The following TOM1L2 variants were observed in gnomAD, a reference collection of about 807,000 sequenced individuals.
TOM1L2 encodes target of myb1 like 2 membrane trafficking protein, also known as TOM1-like protein 2.
Under a neutral mutation model 67.9 loss-of-function variants are expected in TOM1L2, and 31 were observed. The ratio of observed to expected loss-of-function variants is 0.46; its 90% CI spans 0.34 to 0.62. The LOEUF (loss-of-function observed/expected upper bound fraction) is 0.62. Ranked by LOEUF, TOM1L2 falls within the 20% of genes least tolerant of loss-of-function variation. The pLI is 0.01. For missense variants in TOM1L2, 606 were observed against 663.5 expected (o/e 0.91, Z 0.95); for synonymous variants, 256 against 254.0 (o/e 1.01, Z -0.07).
At chr17:17,926,912 G>T in intron 1 of TOM1L2, among the ~76,000 whole-genome samples, 1 of 152,144 alleles carries the variant, frequency 6.6e-6, no homozygotes, top group East Asian at 1.9e-4. Context: ...TAAATATGAA[G>T]AAGAGCCCCA....
At chr17:17,861,249 C>T (rs1470027851) in intron 12 of TOM1L2, among the ~76,000 whole-genome samples, 1 of 152,260 alleles carries the variant, frequency 6.6e-6, no homozygotes, top group East Asian at 1.9e-4. Context: ...ACTGTTTTCT[C>T]TTGGGTGGAT....
intron 12 of TOM1L2, chr17:17,858,083 C>T (rs2036343129): frequency 2.4e-6 from 1 of 410,822 alleles, no homozygotes; most frequent in Non-Finnish European, 4.4e-6. Flanking sequence ...CAACTACTCC[C>T]GTGCCCTTGG....
chr17:17,905,850 G>T (rs1382546483), intron 2 of TOM1L2, among the ~76,000 whole-genome samples: 7 of 152,076 alleles, frequency 4.6e-5, no homozygotes, highest in Admixed American at 4.6e-4. Flanking sequence ...GAGTTGCTCT[G>T]GTTCTACATG....
At chr17:17,850,816 G>A in intron 13 of TOM1L2, 77 bp downstream of exon 13, 1 of 1,518,180 alleles carries the variant, frequency 6.6e-7, no homozygotes, top group Non-Finnish European at 9.1e-7. Flanking sequence ...CCCTGCTGAT[G>A]CTCCCCCAAG....
At chr17:17,885,728 T>A (rs2037960913) in intron 4 of TOM1L2, among the ~76,000 whole-genome samples, 1 of 151,830 alleles carries the variant, frequency 6.6e-6, no homozygotes, top group Non-Finnish European at 1.5e-5. Flanking sequence ...ATCAAGACCA[T>A]CCTGGCTAAC....
intron 12 of TOM1L2, among the ~76,000 whole-genome samples, chr17:17,853,280 T>G (rs1211744172): frequency 6.6e-6 from 1 of 152,224 alleles, no homozygotes; most frequent in Non-Finnish European, 1.5e-5. Context: ...GCACCAGCCC[T>G]TTCTTTACAC....
chr17:17,926,057 G>C (rs1196152151), intron 1 of TOM1L2, among the ~76,000 whole-genome samples: 1 of 151,786 alleles, frequency 6.6e-6, no homozygotes, highest in East Asian at 1.9e-4. Context: ...TGTAGTCCCA[G>C]CTACTCCACA....
intron 1 of TOM1L2, among the ~76,000 whole-genome samples, chr17:17,967,185 G>C (rs2041902595): frequency 6.6e-6 from 1 of 152,204 alleles, no homozygotes; most frequent in Non-Finnish European, 1.5e-5. Flanking sequence ...AGGATATTAT[G>C]AAGTAGTTTA....
chr17:17,875,765 A>G (rs538568570), intron 7 of TOM1L2, among the ~76,000 whole-genome samples: 3 of 152,342 alleles, frequency 2.0e-5, no homozygotes, highest in African/African-American at 7.2e-5. Flanking sequence ...ATTTCCTCTG[A>G]GCCCTCCACA....
Position 17,850,821 on chromosome 17 carries a change from C to T in TOM1L2, c.1338+72G>A. ...GGGGTGGAGCCCCTGCTGATGCTCC[C>T]CCAAGGCCTGTCCTCAGAAGAGCCT... On this transcript the variant is annotated intron_variant, in intron 13 of 14. Coordinates refer to ENST00000379504, the MANE Select transcript of TOM1L2 (RefSeq NM_001082968.2). 4.5e-6 allele frequency: 7 copies of T among 1,545,554 alleles called. No individual in the cohort carries two copies. In the South Asian group the frequency reaches 5.6e-5, roughly 12 times the overall value.
intron 6 of TOM1L2, among the ~76,000 whole-genome samples, chr17:17,880,158 T>C (rs2037646837): frequency 6.6e-6 from 1 of 152,214 alleles, no homozygotes; most frequent in African/African-American, 2.4e-5. Context: ...CCTTCAGAGC[T>C]GAGATCCTAT....
In TOM1L2 at chr17:17,946,960, A is replaced by G. The variant is rs199631147; in HGVS notation, c.52+25302T>C. ...GGCTGGTCTCGAGCTCCTGACCTCA[A>G]GTGATCAGCCCTCCTCAGCCTCCCA... On this transcript the variant is annotated intron_variant, in intron 1 of 14. Transcript: ENST00000379504. Among the ~76,000 whole-genome samples the G allele has an allele frequency of 2.0e-5, 3 of 152,306 alleles. No individual in the cohort carries two copies. In the East Asian group the frequency reaches 5.8e-4, roughly 29 times the overall value.
At chr17:17,966,893 C>A (rs1182915995) in intron 1 of TOM1L2, among the ~76,000 whole-genome samples, 1 of 152,212 alleles carries the variant, frequency 6.6e-6, no homozygotes, top group East Asian at 1.9e-4. Context: ...AATAAAATGA[C>A]TGAAGCAAAA....
At chr17:17,966,951 G>C (rs1172812054) in intron 1 of TOM1L2, among the ~76,000 whole-genome samples, 1 of 152,164 alleles carries the variant, frequency 6.6e-6, no homozygotes, top group Non-Finnish European at 1.5e-5. Context: ...AAGTTCTTCA[G>C]CTTTGGGACT....
At chr17:17,857,827 C>A in intron 12 of TOM1L2, 1 of 1,535,698 alleles carries the variant, frequency 6.5e-7, no homozygotes, top group Non-Finnish European at 8.7e-7. Flanking sequence ...CCCACCTCTA[C>A]CTCTCTTCTG....
chr17:17,868,866 A>ATTC (rs1172092833), intron 8 of TOM1L2: 1 of 164,866 alleles, frequency 6.1e-6, no homozygotes, highest in African/African-American at 2.4e-5. Flanking sequence ...TGCTCTAGAT[A>ATTC]ACATTGACAT....
intron 4 of TOM1L2, among the ~76,000 whole-genome samples, chr17:17,892,458 TG>T (rs2038337144): frequency 6.6e-6 from 1 of 152,130 alleles, no homozygotes. Context: ...GTGCCTTCTG[TG>T]TCACCACGTG....
intron 10 of TOM1L2, 126 bp from the exon 11 acceptor site, chr17:17,862,974 T>C: frequency 3.0e-6 from 2 of 667,068 alleles, no homozygotes; most frequent in Middle Eastern, 2.8e-4. Flanking sequence ...GGGGCGGGAC[T>C]TTCCTTGGTA....
intron 3 of TOM1L2, among the ~76,000 whole-genome samples, chr17:17,895,765 C>T (rs1325639277): frequency 6.6e-6 from 1 of 152,164 alleles, no homozygotes; most frequent in Non-Finnish European, 1.5e-5. Flanking sequence ...AGATGACAGG[C>T]AACATGTGTT....
Sources: allele counts gnomAD v4.1 joint callset (sites outside exome capture counted in the v4.1 genomes callset), GRCh38; gene constraint gnomAD v4.1.1; transcripts MANE v1.5; gene names NCBI Gene and HGNC (gene_info 2026-07-23, HGNC 2026-07-21).